HCN1: variants seen among roughly 807,000 people sequenced by gnomAD.
HCN1 encodes the protein potassium/sodium hyperpolarization-activated cyclic nucleotide-gated channel 1.
HCN1 carries 13 observed loss-of-function variants against 78.9 expected under a neutral mutation model. The ratio of observed to expected loss-of-function variants is 0.16; its 90% CI spans 0.11 to 0.26. The LOEUF is 0.26. Among genes scored for constraint, HCN1 ranks in the 10% least tolerant of loss-of-function variants. The probability of loss-of-function intolerance (pLI) is 1.00; values close to 1 mark genes in which losing one functional copy is unlikely to be tolerated. For synonymous variants in HCN1, 552 were observed against 455.5 expected (o/e 1.21, Z -2.70); for missense variants, 810 against 1,154.3 (o/e 0.70, Z 4.32).
At chr5:45,487,407 T>C (rs1248976991) in intron 2 of HCN1, among the ~76,000 whole-genome samples, 2 of 152,110 alleles carry the variant, frequency 1.3e-5, no homozygotes, top group African/African-American at 4.8e-5. Flanking sequence ...AGCGGCATTG[T>C]ACATTTAAAA....
chr5:45,528,548 C>G (rs1009879390), intron 2 of HCN1, among the ~76,000 whole-genome samples: 1 of 151,802 alleles, frequency 6.6e-6, no homozygotes, highest in African/African-American at 2.4e-5. Context: ...CCTCATTATA[C>G]CAGTTTTATC....
chr5:45,649,770 ATATT>A (rs1048711805), intron 1 of HCN1, among the ~76,000 whole-genome samples: 13 of 152,116 alleles, frequency 8.5e-5, no homozygotes, highest in African/African-American at 3.1e-4. Flanking sequence ...AATGTTAAGA[ATATT>A]TATTAATTGG....
intron 1 of HCN1, among the ~76,000 whole-genome samples, chr5:45,659,551 T>C (rs1270072151): frequency 3.5e-5 from 5 of 143,414 alleles, no homozygotes; most frequent in Admixed American, 1.4e-4. Context: ...AGTTGAAAAC[T>C]TTGAAAAAAA....
chr5:45,371,570 A>G (rs1747359567), intron 4 of HCN1, among the ~76,000 whole-genome samples: 1 of 151,542 alleles, frequency 6.6e-6, no homozygotes, highest in Non-Finnish European at 1.5e-5. Flanking sequence ...CATCCTGGAC[A>G]ACACAGTGAA....
At chr5:45,570,631 T>A (rs911867919) in intron 2 of HCN1, among the ~76,000 whole-genome samples, 14 of 152,122 alleles carry the variant, frequency 9.2e-5, no homozygotes, top group African/African-American at 3.4e-4. Flanking sequence ...CTACATTGTA[T>A]CCAACCTAAT....
chr5:45,315,823 A>G (rs1745974845), intron 5 of HCN1, among the ~76,000 whole-genome samples: 1 of 152,190 alleles, frequency 6.6e-6, no homozygotes, highest in South Asian at 2.1e-4. Flanking sequence ...GAAGAAATGG[A>G]TAAATTCCTG....
chr5:45,278,596 G>A, intron 6 of HCN1, among the ~76,000 whole-genome samples: 1 of 152,176 alleles, frequency 6.6e-6, no homozygotes, highest in East Asian at 1.9e-4. Context: ...GAGGTTTTGA[G>A]TTTAAAAAGT....
chr5:45,619,210 A>C (rs948118941), intron 2 of HCN1, among the ~76,000 whole-genome samples: 1 of 152,108 alleles, frequency 6.6e-6, no homozygotes, highest in African/African-American at 2.4e-5. Context: ...AATCTCGTTT[A>C]AAATTGCTTC....
chr5:45,444,334 G>T (rs1201889679), intron 3 of HCN1, among the ~76,000 whole-genome samples: 2 of 152,122 alleles, frequency 1.3e-5, no homozygotes, highest in South Asian at 2.1e-4. Flanking sequence ...GACAGCCAGT[G>T]AGTATTTACA....
chr5:45,277,508 G>A (rs986318314), intron 6 of HCN1, among the ~76,000 whole-genome samples: 2 of 152,052 alleles, frequency 1.3e-5, no homozygotes, highest in East Asian at 1.9e-4. Context: ...TCTGTCCTAG[G>A]AGTGAATATA....
intron 1 of HCN1, among the ~76,000 whole-genome samples, chr5:45,653,923 T>TAATA (rs541802096): frequency 2.0e-3 from 306 of 152,024 alleles, no homozygotes; most frequent in African/African-American, 6.7e-3. Context: ...AGTATAATAA[T>TAATA]AATAAATAAA....
At position 45,545,362 on chromosome 5, in the gene HCN1, G is replaced by C. The variant is rs559450494; in HGVS notation, c.850-83355C>G. ...CTGGATATTAGCTCTTTGTCAGATG[G>C]GTAGATTGTAAAAATTTTCTCCCAT... On this transcript the variant is annotated intron_variant, in intron 2 of 7. Transcript: ENST00000303230. Among the ~76,000 whole-genome samples the C allele has an allele frequency of 4.6e-5, 7 of 152,094 alleles. No homozygotes were observed. In the South Asian group the frequency reaches 1.5e-3, roughly 32 times the overall value.
At chr5:45,567,408 T>TA (rs1743730106) in intron 2 of HCN1, among the ~76,000 whole-genome samples, 1 of 151,932 alleles carries the variant, frequency 6.6e-6, no homozygotes, top group African/African-American at 2.4e-5. Context: ...GGAATATCCA[T>TA]AAAAAAGGAA....
At chr5:45,488,439 C>A (rs1443616023) in intron 2 of HCN1, among the ~76,000 whole-genome samples, 1 of 152,004 alleles carries the variant, frequency 6.6e-6, no homozygotes, top group East Asian at 1.9e-4. Context: ...TTCTCCATAT[C>A]TCAATAATTT....
At chr5:45,330,649 G>T (rs1039436288) in intron 5 of HCN1, among the ~76,000 whole-genome samples, 1 of 150,910 alleles carries the variant, frequency 6.6e-6, no homozygotes, top group East Asian at 1.9e-4. Context: ...AATGTATCAT[G>T]TCACTTGTTT....
At chr5:45,380,684 T>C (rs567501163) in intron 4 of HCN1, among the ~76,000 whole-genome samples, 3 of 152,120 alleles carry the variant, frequency 2.0e-5, no homozygotes, top group Non-Finnish European at 4.4e-5. Flanking sequence ...AGACTCCTAA[T>C]AAGAATTCTT....
intron 5 of HCN1, among the ~76,000 whole-genome samples, chr5:45,330,853 T>C (rs1173974744): frequency 6.6e-6 from 1 of 151,216 alleles, no homozygotes; most frequent in African/African-American, 2.4e-5. Context: ...GGAAATTTTA[T>C]CTTTCTCAAA....
intron 2 of HCN1, among the ~76,000 whole-genome samples, chr5:45,513,599 G>C (rs1464042076): frequency 6.6e-6 from 1 of 152,184 alleles, no homozygotes; most frequent in African/African-American, 2.4e-5. Context: ...CCTCCTGTTA[G>C]AACAGCAGTG....
intron 5 of HCN1, among the ~76,000 whole-genome samples, chr5:45,309,156 T>C (rs2111913501): frequency 6.6e-6 from 1 of 152,192 alleles, no homozygotes; most frequent in Non-Finnish European, 1.5e-5. Context: ...CTGAGATTTA[T>C]CCCTCAGCTT....
Sources: gnomAD v4.1 joint callset for allele counts (sites outside exome capture counted in the v4.1 genomes callset) on GRCh38, gnomAD v4.1.1 for gene constraint, MANE v1.5 for transcripts, NCBI Gene and HGNC (gene_info 2026-07-23, HGNC 2026-07-21) for gene names.